CADPS2: variants seen among roughly 807,000 people sequenced by gnomAD.
CADPS2 encodes the protein calcium dependent secretion activator 2.
A neutral mutation model predicts 172.5 loss-of-function variants in CADPS2; 93 were observed. The observed-to-expected ratio is 0.54, with a 90% confidence interval of 0.46 to 0.64. CADPS2 has a LOEUF of 0.64. Ranked by LOEUF, CADPS2 falls within the 30% of genes least tolerant of loss-of-function variation. CADPS2 has a pLI of 0.00. For synonymous variants in CADPS2, 546 were observed against 555.2 expected (o/e 0.98, Z 0.23); for missense variants, 1,420 against 1,565.9 (o/e 0.91, Z 1.57).
intron 1 of CADPS2, among the ~76,000 whole-genome samples, chr7:122,801,907 A>C (rs1433383511): frequency 6.6e-6 from 1 of 152,116 alleles, no homozygotes; most frequent in Non-Finnish European, 1.5e-5. Flanking sequence ...CTTTTTAAAA[A>C]ACTATTAGAA....
At chr7:122,480,111 G>A (rs1333864131) in intron 12 of CADPS2, 1 of 471,286 alleles carries the variant, frequency 2.1e-6, no homozygotes, top group African/African-American at 2.0e-5. Context: ...CATTTTAAGT[G>A]AAAAAATTGG....
chr7:122,840,014 A>C (rs922178620), intron 1 of CADPS2, among the ~76,000 whole-genome samples: 2 of 152,242 alleles, frequency 1.3e-5, no homozygotes, highest in African/African-American at 4.8e-5. Context: ...ACAATAGCAA[A>C]GACTTGGAAC....
chr7:122,807,362 A>G (rs539692993), intron 1 of CADPS2, among the ~76,000 whole-genome samples: 1 of 152,252 alleles, frequency 6.6e-6, no homozygotes, highest in Non-Finnish European at 1.5e-5. Context: ...AACCCATGAG[A>G]GGTGTTCCAG....
In CADPS2 at chr7:122,816,033, C is replaced by T. The variant is rs544604506; in HGVS notation, c.339+69966G>A. On this transcript the variant is annotated intron_variant, in intron 1 of 29. Coordinates refer to ENST00000449022, the MANE Select transcript of CADPS2 (RefSeq NM_017954.11). ...TTTTTGTGCTAGGAATATTCCAATTCCACTGTTTTAGTTATGTTGAAATAT... is the reference window on the plus strand; with the variant it reads ...TTTTTGTGCTAGGAATATTCCAATTTCACTGTTTTAGTTATGTTGAAATAT... Among the ~76,000 whole-genome samples the T allele has an allele frequency of 3.9e-4, 60 of 152,080 alleles. No individual in the cohort carries two copies. The Middle Eastern group carries it at 0.021, about 52-fold the overall frequency.
intron 20 of CADPS2, among the ~76,000 whole-genome samples, chr7:122,399,260 A>C (rs1002364765): frequency 6.6e-6 from 1 of 152,192 alleles, no homozygotes; most frequent in South Asian, 2.1e-4. Context: ...AATCTACTGC[A>C]TCAAGTTATT....
At chr7:122,776,020 C>T (rs948650852) in intron 1 of CADPS2, among the ~76,000 whole-genome samples, 1 of 152,114 alleles carries the variant, frequency 6.6e-6, no homozygotes, top group African/African-American at 2.4e-5. Context: ...CTTAGGTCTA[C>T]ATAATAACAA....
chr7:122,509,633 G>A (rs1011200553), intron 9 of CADPS2, among the ~76,000 whole-genome samples: 1 of 152,124 alleles, frequency 6.6e-6, no homozygotes, highest in Non-Finnish European at 1.5e-5. Flanking sequence ...GTCTTCAGAT[G>A]AACTGTAGTT....
At chr7:122,383,715 CT>C (rs1177338734) in intron 24 of CADPS2, among the ~76,000 whole-genome samples, 1 of 152,122 alleles carries the variant, frequency 6.6e-6, no homozygotes, top group African/African-American at 2.4e-5. Flanking sequence ...AACAGCACCA[CT>C]TCACCTGACT....
chr7:122,635,983 G>C (rs2077034049), intron 3 of CADPS2, among the ~76,000 whole-genome samples: 2 of 152,076 alleles, frequency 1.3e-5, no homozygotes, highest in African/African-American at 4.8e-5. Context: ...CTTTGAGCCT[G>C]TGGTGTCATT....
chr7:122,692,405 A>C (rs2084497485), intron 2 of CADPS2, among the ~76,000 whole-genome samples: 1 of 152,160 alleles, frequency 6.6e-6, no homozygotes, highest in African/African-American at 2.4e-5. Context: ...TGGGCATGCA[A>C]TTCCTGCAGC....
At chr7:122,399,027 T>C (rs924983021) in intron 20 of CADPS2, among the ~76,000 whole-genome samples, 1 of 152,120 alleles carries the variant, frequency 6.6e-6, no homozygotes, top group Non-Finnish European at 1.5e-5. Flanking sequence ...CATTAACTAG[T>C]ATAATAACCC....
intron 3 of CADPS2, among the ~76,000 whole-genome samples, chr7:122,657,224 G>A (rs1261540208): frequency 6.6e-6 from 1 of 152,212 alleles, no homozygotes; most frequent in East Asian, 1.9e-4. Flanking sequence ...TTGTAGTATA[G>A]TTTGAAATCA....
chr7:122,486,923 T>TTGTTAG (rs144854391), intron 11 of CADPS2, among the ~76,000 whole-genome samples: 4,612 of 152,156 alleles, frequency 0.03, 201 homozygotes, highest in African/African-American at 0.11. Flanking sequence ...TCTCAGGTGA[T>TTGTTAG]TATTTTTAGC....
intron 17 of CADPS2, among the ~76,000 whole-genome samples, chr7:122,426,426 G>C (rs1279813415): frequency 6.7e-6 from 1 of 149,808 alleles, no homozygotes; most frequent in Non-Finnish European, 1.5e-5. Flanking sequence ...TATTTTAAAG[G>C]GCTCCTCTTT....
chr7:122,830,370 G>C (rs1806177288), intron 1 of CADPS2, among the ~76,000 whole-genome samples: 4 of 151,306 alleles, frequency 2.6e-5, no homozygotes, highest in Admixed American at 2.6e-4. Context: ...CATAAAATCA[G>C]TTAAATATTC....
chr7:122,670,676 T>C (rs1413737012), intron 2 of CADPS2, among the ~76,000 whole-genome samples: 1 of 151,844 alleles, frequency 6.6e-6, no homozygotes, highest in African/African-American at 2.4e-5. Context: ...TTTTTTTGTA[T>C]TTTTAGTAGA....
chr7:122,649,650 G>C (rs2078925620), intron 3 of CADPS2, among the ~76,000 whole-genome samples: 1 of 152,126 alleles, frequency 6.6e-6, no homozygotes, highest in Non-Finnish European at 1.5e-5. Flanking sequence ...CAATATAAAT[G>C]AAGATGCTGC....
At position 122,732,335 on chromosome 7, in the gene CADPS2, C is replaced by CT. The variant is rs994706823; in HGVS notation, c.453+4619dup. The stretch of plus-strand genomic sequence containing the variant: ...AACCACTATAAGAACAGACAGAAAA[C>CT]TTTTTTTTTTTGAGATGGAGTAATT... On this transcript the variant is annotated intron_variant, in intron 2 of 29. Transcript: ENST00000449022. 5.9e-3 allele frequency among the ~76,000 whole-genome samples: 863 copies of CT among 145,364 alleles called. 7 individuals carry two copies. Among genetic ancestry groups the CT allele is most frequent in the Middle Eastern group, 0.014 (4 of 284 alleles).
chr7:122,879,887 A>G (rs1822401177), intron 1 of CADPS2, among the ~76,000 whole-genome samples: 2 of 152,258 alleles, frequency 1.3e-5, no homozygotes, highest in Admixed American at 6.5e-5. Flanking sequence ...TTTGAGGAAA[A>G]TAGAAGCTTT....
Sources: gnomAD v4.1 joint callset for allele counts (sites outside exome capture counted in the v4.1 genomes callset) on GRCh38, gnomAD v4.1.1 for gene constraint, MANE v1.5 for transcripts, NCBI Gene and HGNC (gene_info 2026-07-23, HGNC 2026-07-21) for gene names.